UMAD1: variants seen among roughly 807,000 people sequenced by gnomAD.
UMAD1 encodes UBAP1-MVB12-associated (UMA) domain containing 1, also known as UBAP1-MVB12-associated (UMA)-domain containing protein 1.
In UMAD1, 8 loss-of-function variants were observed where a neutral mutation model predicts 6.1. That is an observed-to-expected ratio of 1.30 (90% CI 0.76 to 2.35). UMAD1 has a LOEUF of 2.35. Ranked by LOEUF, UMAD1 falls within the 30% of genes most tolerant of loss-of-function variation. UMAD1 has a pLI of 0.00. For missense variants in UMAD1, 130 were observed against 78.4 expected, an observed-to-expected ratio of 1.66 and a Z score of -2.49; for synonymous variants, 56 against 31.4, an observed-to-expected ratio of 1.78 and a Z score of -2.61.
chr7:7,677,474 T>C lies in UMAD1; in HGVS notation c.82+4021T>C, dbSNP rs139346289. ...TCCATGAGTTCAATTTGAAAAAAAC[T>C]GAGCTCCCTCATATGAGTGAGAAAA... On this transcript the variant is annotated intron_variant, in intron 2 of 3. Coordinates refer to ENST00000682710, the MANE Select transcript of UMAD1 (RefSeq NM_001302348.2). Among the ~76,000 whole-genome samples the C allele has an allele frequency of 5.0e-4, 76 of 152,184 alleles. 1 individual carries two copies. The highest frequency in any genetic ancestry group is 1.8e-3 in the African/African-American group (76 of 41,526).
chr7:7,776,970 C>T (rs1240703021), intron 2 of UMAD1, among the ~76,000 whole-genome samples: 2 of 152,166 alleles, frequency 1.3e-5, no homozygotes, highest in African/African-American at 4.8e-5. Context: ...TCTACACGAG[C>T]AAATGCAGGT....
At chr7:7,740,130 C>T (rs780141552) in intron 2 of UMAD1, among the ~76,000 whole-genome samples, 13 of 152,328 alleles carry the variant, frequency 8.5e-5, no homozygotes, top group East Asian at 1.9e-4. Flanking sequence ...GGGCAGCAAG[C>T]TATCACTTTC....
At chr7:7,812,801 C>CTT (rs71014718) in intron 3 of UMAD1, among the ~76,000 whole-genome samples, 41,618 of 143,646 alleles carry the variant, frequency 0.29, 6,296 homozygotes, top group South Asian at 0.4. Context: ...ACACAGCCAT[C>CTT]TTTTTTTTTT....
chr7:7,696,837 C>T (rs1322644570), intron 2 of UMAD1, among the ~76,000 whole-genome samples: 1 of 151,420 alleles, frequency 6.6e-6, no homozygotes, highest in African/African-American at 2.4e-5. Flanking sequence ...TTTCTTTCTT[C>T]TTCTTTTTTT....
intron 3 of UMAD1, among the ~76,000 whole-genome samples, chr7:7,808,098 G>A (rs1440300701): frequency 1.8e-4 from 28 of 151,988 alleles, no homozygotes; most frequent in Non-Finnish European, 2.9e-5. Context: ...ATAAATCCAT[G>A]TTTGGGCTTA....
At chr7:7,863,967 G>A (rs1043129464) in intron 3 of UMAD1, among the ~76,000 whole-genome samples, 3 of 152,236 alleles carry the variant, frequency 2.0e-5, no homozygotes, top group Admixed American at 2.0e-4. Flanking sequence ...CATCCACTGT[G>A]ATAAGAAGAA....
At chr7:7,663,223 T>C (rs1207738226) in intron 1 of UMAD1, among the ~76,000 whole-genome samples, 1 of 151,678 alleles carries the variant, frequency 6.6e-6, no homozygotes. Context: ...AATTGTTTAC[T>C]TCCACTCAAG....
intron 3 of UMAD1, among the ~76,000 whole-genome samples, chr7:7,831,415 T>C (rs916622886): frequency 2.6e-5 from 4 of 152,242 alleles, no homozygotes; most frequent in African/African-American, 9.6e-5. Context: ...AAGTTCTATT[T>C]GTTAGCTCCA....
intron 3 of UMAD1, among the ~76,000 whole-genome samples, chr7:7,876,376 G>GT (rs1178443004): frequency 6.6e-6 from 1 of 152,196 alleles, no homozygotes; most frequent in Non-Finnish European, 1.5e-5. Context: ...GTAGGCCTCT[G>GT]TAAAGACTTG....
chr7:7,790,866 G>C (rs1303478084), intron 2 of UMAD1, among the ~76,000 whole-genome samples: 1 of 151,974 alleles, frequency 6.6e-6, no homozygotes, highest in African/African-American at 2.4e-5. Context: ...TACATGATCT[G>C]TGATTTGCAA....
In UMAD1 at chr7:7,701,967, C is replaced by T. The variant is rs77390533; in HGVS notation, c.82+28514C>T. Among the ~76,000 whole-genome samples the T allele has an allele frequency of 3.3e-5, 5 of 152,136 alleles. No homozygotes were observed. In the East Asian group the frequency reaches 7.7e-4, roughly 23 times the overall value. ...TTTCTGACCTCTTTTCTCTTCTTAA[C>T]GAATTTTCCAAATAAGAGTGGCTCA... is the stretch of plus-strand genomic sequence containing the variant. On this transcript the variant is annotated intron_variant, in intron 2 of 3. Transcript: ENST00000682710.
intron 1 of UMAD1, among the ~76,000 whole-genome samples, chr7:7,647,610 A>G (rs1785125420): frequency 6.6e-6 from 1 of 152,106 alleles, no homozygotes; most frequent in African/African-American, 2.4e-5. Context: ...TTTGCTATAT[A>G]TATACATTTC....
At chr7:7,841,309 G>C (rs1236421672) in intron 3 of UMAD1, among the ~76,000 whole-genome samples, 1 of 128,806 alleles carries the variant, frequency 7.8e-6, no homozygotes, top group Non-Finnish European at 1.7e-5. Flanking sequence ...AATATAACAA[G>C]TGATCTTTTT....
At chr7:7,829,826 A>G (rs1783425915) in intron 3 of UMAD1, among the ~76,000 whole-genome samples, 1 of 152,172 alleles carries the variant, frequency 6.6e-6, no homozygotes, top group Admixed American at 6.5e-5. Flanking sequence ...ACATAGGATT[A>G]AGAGGCAAGG....
At chr7:7,661,799 A>T (rs1785481443) in intron 1 of UMAD1, among the ~76,000 whole-genome samples, 1 of 152,112 alleles carries the variant, frequency 6.6e-6, no homozygotes, top group African/African-American at 2.4e-5. Flanking sequence ...GACCCACTTG[A>T]GGAGGCAGTC....
intron 1 of UMAD1, among the ~76,000 whole-genome samples, chr7:7,664,453 C>T (rs939555912): frequency 6.6e-6 from 1 of 152,172 alleles, no homozygotes; most frequent in Non-Finnish European, 1.5e-5. Flanking sequence ...TCTGAATATG[C>T]TGACACTTTC....
At chr7:7,769,379 A>G (rs1386513010) in intron 2 of UMAD1, among the ~76,000 whole-genome samples, 1 of 152,188 alleles carries the variant, frequency 6.6e-6, no homozygotes, top group African/African-American at 2.4e-5. Context: ...GATTAGGGAA[A>G]CAAGGACCTG....
intron 2 of UMAD1, among the ~76,000 whole-genome samples, chr7:7,765,930 G>C (rs2115236785): frequency 6.6e-6 from 1 of 151,976 alleles, no homozygotes; most frequent in Non-Finnish European, 1.5e-5. Flanking sequence ...TAATTTCTTA[G>C]TCAACAAAGT....
chr7:7,665,970 T>TA (rs958786914), intron 1 of UMAD1, among the ~76,000 whole-genome samples: 2 of 151,404 alleles, frequency 1.3e-5, no homozygotes, highest in African/African-American at 2.4e-5. Flanking sequence ...TTTTGGTTAT[T>TA]AAAAAAAAAG....
Sources: gnomAD v4.1 joint callset for allele counts (sites outside exome capture counted in the v4.1 genomes callset) on GRCh38, gnomAD v4.1.1 for gene constraint, MANE v1.5 for transcripts, NCBI Gene and HGNC (gene_info 2026-07-23, HGNC 2026-07-21) for gene names.